DHX30: variants seen among roughly 807,000 people sequenced by gnomAD.
DHX30 encodes ATP-dependent RNA helicase DHX30.
DHX30 carries 4 observed loss-of-function variants against 116.9 expected under a neutral mutation model. That is an observed-to-expected ratio of 0.03 (90% CI 0.02 to 0.08). The LOEUF is 0.08. Ranked by LOEUF, DHX30 falls within the 10% of genes least tolerant of loss-of-function variation. The probability of loss-of-function intolerance (pLI) is 1.00; values close to 1 mark genes in which losing one functional copy is unlikely to be tolerated. For synonymous variants in DHX30, 697 were observed against 651.7 expected, an observed-to-expected ratio of 1.07 and a Z score of -1.06; for missense variants, 871 against 1,595.1, an observed-to-expected ratio of 0.55 and a Z score of 7.73.
intron 4 of DHX30, among the ~76,000 whole-genome samples, chr3:47,826,541 G>T (rs890638821): frequency 6.6e-6 from 1 of 151,852 alleles, no homozygotes; most frequent in Non-Finnish European, 1.5e-5. Flanking sequence ...CGCCTCCCGG[G>T]TTCAAGCGAT....
At chr3:47,846,014 C>A in intron 10 of DHX30, 151 bp from the exon 11 acceptor site, 1 of 1,396,916 alleles carries the variant, frequency 7.2e-7, no homozygotes, top group Non-Finnish European at 9.7e-7. Context: ...GTCTTGCCCA[C>A]AAGGATCCCG....
At chr3:47,841,843 C>T in intron 8 of DHX30, 106 bp downstream of exon 8, 1 of 1,520,782 alleles carries the variant, frequency 6.6e-7, no homozygotes, top group Non-Finnish European at 9.0e-7. Flanking sequence ...GTTCCTCCAG[C>T]CCAAACCTAG....
At chr3:47,808,698 C>T (rs2035645016) in intron 2 of DHX30, among the ~76,000 whole-genome samples, 1 of 151,192 alleles carries the variant, frequency 6.6e-6, no homozygotes, top group Non-Finnish European at 1.5e-5. Flanking sequence ...GCCTCAGTCC[C>T]CTGAGTAGCT....
intron 6 of DHX30, among the ~76,000 whole-genome samples, chr3:47,832,061 A>G (rs956135794): frequency 6.7e-6 from 1 of 148,948 alleles, no homozygotes; most frequent in Non-Finnish European, 1.5e-5. Context: ...TATTAACTTG[A>G]GAGCCAGTTA....
chr3:47,809,466 G>A (rs984049348), intron 2 of DHX30, among the ~76,000 whole-genome samples: 5 of 151,334 alleles, frequency 3.3e-5, no homozygotes, highest in African/African-American at 7.3e-5. Flanking sequence ...GGATGGTCTC[G>A]ATCTCCTGAC....
chr3:47,815,702 A>G (rs2036017157), intron 3 of DHX30, among the ~76,000 whole-genome samples: 1 of 146,176 alleles, frequency 6.8e-6, no homozygotes, highest in Non-Finnish European at 1.5e-5. Flanking sequence ...TACAAAGAGC[A>G]AGCTGAACAA....
At chr3:47,817,511 C>G (rs1351053767) in intron 3 of DHX30, among the ~76,000 whole-genome samples, 1 of 152,184 alleles carries the variant, frequency 6.6e-6, no homozygotes. Flanking sequence ...CTGGTTTTAG[C>G]TCTCAAGCTG....
chr3:47,827,615 C>T, intron 5 of DHX30, 138 bp downstream of exon 5: 1 of 1,218,504 alleles, frequency 8.2e-7, no homozygotes, highest in Non-Finnish European at 1.1e-6. Flanking sequence ...AGACTCAGAG[C>T]AAAGCTAGGT....
rs1411420326 is a variant in DHX30 at position 47,848,861 on chromosome 3, C to T, written c.2769+44C>T. 2 of 1,599,220 alleles carry T rather than the reference C, an allele frequency of 1.3e-6. No homozygotes were observed. The highest frequency in any genetic ancestry group is 4.5e-5 in the East Asian group (2 of 44,506). On this transcript the variant is annotated intron_variant, in intron 17 of 21. Coordinates refer to ENST00000445061, the MANE Select transcript of DHX30 (RefSeq NM_138615.3). The surrounding 1 kb of genome is among the most constrained non-coding windows in gnomAD (Gnocchi z 9.4). ...CTGGAGCCGTCCACCCACTGCTGTTCTGAGGGGGCGTTGTCTAGCCCCTGC... is the reference window on the plus strand; with the variant it reads ...CTGGAGCCGTCCACCCACTGCTGTTTTGAGGGGGCGTTGTCTAGCCCCTGC...
In DHX30 at chr3:47,847,715, C is replaced by T; in HGVS notation, c.2111-66C>T. The T allele has an allele frequency of 1.9e-6, 3 of 1,562,280 alleles. No individual in the cohort carries two copies. In the Admixed American group the frequency reaches 5.5e-5, roughly 28 times the overall value. On this transcript the variant is annotated intron_variant, in intron 13 of 21. Coordinates refer to ENST00000445061, the MANE Select transcript of DHX30 (RefSeq NM_138615.3). The surrounding 1 kb of genome is among the most constrained non-coding windows in gnomAD (Gnocchi z 5.5). ...AAATGGGGTCAAAATCCTTGCCCTG[C>T]CCACATTCCAGGGGGGAATTCTGGT... is the stretch of plus-strand genomic sequence containing the variant.
At chr3:47,818,705 C>G (rs990549971) in intron 4 of DHX30, among the ~76,000 whole-genome samples, 3 of 152,114 alleles carry the variant, frequency 2.0e-5, no homozygotes, top group Non-Finnish European at 4.4e-5. Flanking sequence ...CTATCAGTAC[C>G]CAGGGATGGC....
intron 4 of DHX30, among the ~76,000 whole-genome samples, chr3:47,819,443 AGAG>A (rs2036203400): frequency 1.3e-5 from 2 of 152,164 alleles, no homozygotes; most frequent in South Asian, 4.1e-4. Flanking sequence ...TCTCTTCCCC[AGAG>A]GAGTGCAGAC....
rs576400588 is a variant in DHX30, at chr3:47,833,851, T to TC, written c.366+4719dup. Among the ~76,000 whole-genome samples, 178 of 151,932 alleles carry TC rather than the reference T, an allele frequency of 1.2e-3. 2 individuals are homozygous for TC. The highest frequency in any genetic ancestry group is 0.01 in the Admixed American group (158 of 15,214). Reference sequence around the variant, plus strand: ...TCAGCCTGAGCAACAAGAGCAAAACTCCATCTCCAAAAAAGAAAAAAAATG... The same window carrying TC: ...TCAGCCTGAGCAACAAGAGCAAAACTCCCATCTCCAAAAAAGAAAAAAAATG... On this transcript the variant is annotated intron_variant, in intron 6 of 21. Transcript: ENST00000445061.
At chr3:47,828,035 T>G (rs1468155034) in intron 5 of DHX30, among the ~76,000 whole-genome samples, 1 of 151,882 alleles carries the variant, frequency 6.6e-6, no homozygotes, top group African/African-American at 2.4e-5. Context: ...ATTTTTTTTA[T>G]TTTTTGTAGA....
intron 6 of DHX30, among the ~76,000 whole-genome samples, chr3:47,835,926 T>C (rs1222172932): frequency 6.6e-6 from 1 of 152,194 alleles, no homozygotes; most frequent in Non-Finnish European, 1.5e-5. Context: ...GGGATTTTCG[T>C]TGGACACAGG....
rs181579505 is a variant in DHX30, at chr3:47,842,030, G to A, written c.789+293G>A. On this transcript the variant is annotated intron_variant, in intron 8 of 21. Coordinates refer to ENST00000445061, the MANE Select transcript of DHX30 (RefSeq NM_138615.3). ...AGAGGTGTGGGTCTTGGTGAGGTAT[G>A]AATTTCTCTCTTGCTGCCAGGCGAA... 100 of 351,642 alleles carry A rather than the reference G, an allele frequency of 2.8e-4. No individual in the cohort carries two copies. The East Asian group carries it at 5.2e-3, about 18-fold the overall frequency. The allele number at this position is 351,642 out of a possible 1,614,324, so 21.8% of individuals were successfully genotyped here. A position where few individuals can be genotyped will look rare whatever the true frequency, so the allele number is the denominator to read the frequency against.
intron 3 of DHX30, among the ~76,000 whole-genome samples, chr3:47,812,403 AGAAAATTAGCTAGGCGTGGTGG>A (rs2035839396): frequency 6.7e-6 from 1 of 150,184 alleles, no homozygotes; most frequent in African/African-American, 2.5e-5. Context: ...CTAAAAATAC[AGAAAATTAGCTAGGCGTGGTGG>A]TGTGCACCTG....
intron 5 of DHX30, among the ~76,000 whole-genome samples, chr3:47,828,116 T>A (rs1455190189): frequency 6.6e-6 from 1 of 151,838 alleles, no homozygotes; most frequent in African/African-American, 2.4e-5. Flanking sequence ...CTCCTCAGCC[T>A]CCCAAAATTG....
chr3:47,816,898 T>C (rs2036083581), intron 3 of DHX30: 1 of 972,150 alleles, frequency 1.0e-6, no homozygotes, highest in Non-Finnish European at 1.2e-6. Context: ...TCTCTATAGG[T>C]ATAGGCACTC....
Sources: gnomAD v4.1 joint callset for allele counts (sites outside exome capture counted in the v4.1 genomes callset) on GRCh38, gnomAD v4.1.1 for gene constraint, Gnocchi (gnomAD v3.1) non-coding constraint, MANE v1.5 for transcripts, NCBI Gene and HGNC (gene_info 2026-07-23, HGNC 2026-07-21) for gene names.